The following PSMB3 variants were observed in gnomAD, a reference collection of about 807,000 sequenced individuals.
PSMB3 encodes proteasome subunit beta type-3.
PSMB3 carries 5 observed loss-of-function variants against 23.3 expected under a neutral mutation model. The observed-to-expected ratio is 0.21, with a 90% confidence interval of 0.11 to 0.45. The LOEUF (loss-of-function observed/expected upper bound fraction) is 0.45, where lower values mean the gene tolerates loss of function less well. Ranked by LOEUF, PSMB3 falls within the 20% of genes least tolerant of loss-of-function variation. The probability of loss-of-function intolerance (pLI) is 0.99; values close to 1 mark genes in which losing one functional copy is unlikely to be tolerated. For missense variants in PSMB3, 192 were observed against 277.9 expected, an observed-to-expected ratio of 0.69 and a Z score of 2.20; for synonymous variants, 85 against 99.8, an observed-to-expected ratio of 0.85 and a Z score of 0.88.
At position 38,753,205 on chromosome 17, in the gene PSMB3, T is replaced by C. The variant is rs370971144; in HGVS notation, c.59T>C (p.Val20Ala). The C allele has an allele frequency of 4.3e-6, 7 of 1,614,112 alleles. No individual in the cohort carries two copies. The African/African-American group carries it at 9.3e-5, about 22-fold the overall frequency. ...ATGGCCATGAAGGGGAAGAACTGTGTGGCCATCGCTGCAGACAGGCGCTTC... is the reference window on the plus strand; with the variant it reads ...ATGGCCATGAAGGGGAAGAACTGTGCGGCCATCGCTGCAGACAGGCGCTTC... Reference protein sequence around the residue: ...AVMAMKGKNCVAIAADRRFGI... With the variant: ...AVMAMKGKNCAAIAADRRFGI... Residue 20 changes from valine to alanine, a missense_variant, in exon 2 of 6, where the codon GTG becomes GCG. Transcript: ENST00000619426.
intron 2 of PSMB3, among the ~76,000 whole-genome samples, chr17:38,754,245 G>A (rs1478691967): frequency 3.9e-5 from 6 of 152,116 alleles, no homozygotes; most frequent in African/African-American, 7.2e-5. Flanking sequence ...TGAGGTGGGC[G>A]GATATCTTGA....
intron 4 of PSMB3, 27 bp downstream of exon 4, chr17:38,760,635 G>A (rs200845216): frequency 1.9e-6 from 3 of 1,613,610 alleles, no homozygotes; most frequent in East Asian, 4.5e-5. Flanking sequence ...GAGAGGGGCT[G>A]GGCTCTGAGT....
Position 38,753,120 on chromosome 17 carries a change from G to T in PSMB3, c.4-30G>T, listed in dbSNP as rs568546599. 7.0e-6 allele frequency: 11 copies of T among 1,582,240 alleles called. No homozygotes were observed. The South Asian group carries it at 1.1e-4, about 16-fold the overall frequency. On this transcript the variant is annotated intron_variant, in intron 1 of 5. Transcript: ENST00000619426. ...GGGCTGTGGCAGCGTTTGACCCCCCGCGCTGACCCCTCCGCTCTGTCTGTC... is the reference window on the plus strand; with the variant it reads ...GGGCTGTGGCAGCGTTTGACCCCCCTCGCTGACCCCTCCGCTCTGTCTGTC...
intron 5 of PSMB3, among the ~76,000 whole-genome samples, chr17:38,763,497 C>CTTTT (rs67563765): frequency 9.1e-4 from 69 of 76,054 alleles, no homozygotes; most frequent in African/African-American, 2.4e-3. Flanking sequence ...CTTCTTCCCC[C>CTTTT]TTTTTTTTTT....
rs4907 is a variant in PSMB3 at position 38,753,246 on chromosome 17, A to T, written c.100A>T (p.Met34Leu). The T allele has an allele frequency of 0.11, 171,498 of 1,614,070 alleles. 11,826 individuals are homozygous for T. Among genetic ancestry groups the T allele is most frequent in the Admixed American group, 0.33 (19,505 of 59,996 alleles). The change falls in exon 2 of 6, where the codon ATG becomes TTG. Residue 34 changes from methionine to leucine, a missense_variant. Transcript: ENST00000619426. ...CAGGCGCTTCGGGATCCAGGCCCAG[A>T]TGGTGACCACGGACTTCCAGAAGAT... ...ADRRFGIQAQ[M>L]VTTDFQKIFP...
At chr17:38,755,191 G>C (rs1722440122) in intron 2 of PSMB3, 1 of 152,110 alleles carries the variant, frequency 6.6e-6, no homozygotes, top group Non-Finnish European at 1.5e-5. Context: ...GCCCACAGCT[G>C]AACTCCTGAG....
chr17:38,759,143 A>G (rs1184085035), intron 3 of PSMB3, among the ~76,000 whole-genome samples: 2 of 152,246 alleles, frequency 1.3e-5, no homozygotes, highest in African/African-American at 4.8e-5. Context: ...GCCATTTGTT[A>G]TTTGGTATTT....
At chr17:38,755,771 C>T in intron 2 of PSMB3, 112 bp from the exon 3 acceptor site, 1 of 844,682 alleles carries the variant, frequency 1.2e-6, no homozygotes, top group Non-Finnish European at 1.9e-6. Flanking sequence ...CTACAGTTTT[C>T]CCTGGGCAGG....
In PSMB3 at chr17:38,755,762, T is replaced by G. The variant is rs924546066; in HGVS notation, c.189-121T>G. The G allele has an allele frequency of 5.6e-6, 4 of 708,924 alleles. No homozygotes were observed. The African/African-American group carries it at 7.2e-5, about 13-fold the overall frequency. 43.9% of individuals were successfully genotyped at this position (708,924 alleles called of 1,614,324 possible). ...TGCTACTTCCTAACACATGTAAGACTACAGTTTTCCCTGGGCAGGGACTGA... is the reference window on the plus strand; with the variant it reads ...TGCTACTTCCTAACACATGTAAGACGACAGTTTTCCCTGGGCAGGGACTGA... On this transcript the variant is annotated intron_variant, in intron 2 of 5. Coordinates refer to ENST00000619426, the MANE Select transcript of PSMB3 (RefSeq NM_002795.4).
intron 4 of PSMB3, 143 bp downstream of exon 4, chr17:38,760,751 T>C: frequency 3.1e-6 from 3 of 976,002 alleles, no homozygotes; most frequent in Non-Finnish European, 4.5e-6. Context: ...TGGAAGGGTA[T>C]CCAGAAATTC....
intron 4 of PSMB3, 115 bp downstream of exon 4, chr17:38,760,723 G>A (rs1908399630): frequency 8.3e-7 from 1 of 1,206,086 alleles, no homozygotes; most frequent in African/African-American, 1.5e-5. Context: ...GGGAGAGAAA[G>A]CCACAGCTGC....
rs747298231 is a variant in PSMB3, at chr17:38,760,384, G to A, written c.297-47G>A. 125 of 1,593,734 alleles carry A rather than the reference G, an allele frequency of 7.8e-5. 1 individual carries two copies. The highest frequency in any genetic ancestry group is 9.8e-5 in the Non-Finnish European group (114 of 1,166,942). On this transcript the variant is annotated intron_variant, in intron 3 of 5. Coordinates refer to ENST00000619426, the MANE Select transcript of PSMB3 (RefSeq NM_002795.4). ...TCTGAATAGGCTTAAACATGAAAGC[G>A]AGCGTTCTTGAGTTCTGGTTTCTCT... is the stretch of plus-strand genomic sequence containing the variant.
intron 5 of PSMB3, 78 bp downstream of exon 5, chr17:38,762,583 T>C: frequency 7.3e-7 from 1 of 1,369,944 alleles, no homozygotes; most frequent in Non-Finnish European, 1.0e-6. Flanking sequence ...ATACACCCCA[T>C]TTTCCCAGCC....
At chr17:38,757,828 T>A (rs569404762) in intron 3 of PSMB3, among the ~76,000 whole-genome samples, 4 of 152,124 alleles carry the variant, frequency 2.6e-5, no homozygotes, top group South Asian at 4.2e-4. Context: ...GCTAATTTTT[T>A]AATTTTTAGT....
In PSMB3 at chr17:38,758,783, A is replaced by G. The variant is rs376394597; in HGVS notation, c.297-1648A>G. Among the ~76,000 whole-genome samples, 153 of 152,358 alleles carry G rather than the reference A, an allele frequency of 1.0e-3. 2 individuals carry two copies. In the East Asian group the frequency reaches 0.024, roughly 24 times the overall value. ...TGATCCAGGCCTGGAGCATTGGCTC[A>G]CGCCTGTAATCCCAGCACTTTGGGA... On this transcript the variant is annotated intron_variant, in intron 3 of 5. Coordinates refer to ENST00000619426, the MANE Select transcript of PSMB3 (RefSeq NM_002795.4).
intron 5 of PSMB3, 96 bp from the exon 6 acceptor site, chr17:38,764,023 A>C: frequency 6.9e-7 from 1 of 1,450,434 alleles, no homozygotes; most frequent in Non-Finnish European, 9.6e-7. Flanking sequence ...CCCTTGCCGC[A>C]GGGCTTGAGG....
chr17:38,752,856 G>A lies in PSMB3; in HGVS notation c.3+27G>A, dbSNP rs376413833. On this transcript the variant is annotated intron_variant, in intron 1 of 5. Transcript: ENST00000619426. The surrounding 1 kb of genome is among the most constrained non-coding windows in gnomAD (Gnocchi z 5.5). ...TGAGATGGGGAGTTAAAGCAAAGGG[G>A]CATGGGGAAGGATTGAGAAGCGGAG... 88 of 1,613,682 alleles carry A rather than the reference G, an allele frequency of 5.5e-5. No homozygotes were observed. The highest frequency in any genetic ancestry group is 7.1e-5 in the Non-Finnish European group (84 of 1,179,952).
At position 38,752,807 on chromosome 17, in the gene PSMB3, G is replaced by T. The variant is rs199641079; in HGVS notation, c.-20G>T. 325 of 1,614,002 alleles carry T rather than the reference G, an allele frequency of 2.0e-4. No homozygotes were observed. Among genetic ancestry groups the T allele is most frequent in the Non-Finnish European group, 2.7e-4 (318 of 1,179,982 alleles). On this transcript the variant is annotated 5_prime_UTR_variant, in exon 1 of 6. Transcript: ENST00000619426. This position sits in a 1 kb window ranked among gnomAD's most constrained non-coding sequence, Gnocchi z 5.5. The stretch of plus-strand genomic sequence containing the variant: ...ACTGGAATTGCTCTGGCGATCGAGG[G>T]ATCCTAGTACACCGCAATCATGGTG...
chr17:38,755,672 A>ATGTGTGTGTG (rs1296883337), intron 2 of PSMB3, among the ~76,000 whole-genome samples: 60 of 88,786 alleles, frequency 6.8e-4, no homozygotes, highest in South Asian at 3.4e-3. Flanking sequence ...ATATATATAT[A>ATGTGTGTGTG]TATATATATA....
Sources: allele counts gnomAD v4.1 joint callset (sites outside exome capture counted in the v4.1 genomes callset), GRCh38; gene constraint gnomAD v4.1.1; non-coding constraint Gnocchi (gnomAD v3.1); transcripts MANE v1.5; gene names NCBI Gene and HGNC (gene_info 2026-07-23, HGNC 2026-07-21).